The following PBX1 variants were observed in gnomAD, a reference collection of about 807,000 sequenced individuals.
PBX1 encodes the protein PBX homeobox 1, also known as pre-B-cell leukemia transcription factor 1.
Under a neutral mutation model 53.4 loss-of-function variants are expected in PBX1, and 6 were observed. The ratio of observed to expected loss-of-function variants is 0.11; its 90% CI spans 0.06 to 0.22. PBX1 has a LOEUF of 0.22. Ranked by LOEUF, PBX1 falls within the 10% of genes least tolerant of loss-of-function variation. The probability of loss-of-function intolerance (pLI) is 1.00; values close to 1 mark genes in which losing one functional copy is unlikely to be tolerated. For synonymous variants in PBX1, 204 were observed against 212.3 expected, an observed-to-expected ratio of 0.96 and a Z score of 0.34; for missense variants, 251 against 551.4, an observed-to-expected ratio of 0.46 and a Z score of 5.46.
At chr1:164,882,401 C>T (rs1672681412) in intron 2 of PBX1, among the ~76,000 whole-genome samples, 1 of 152,112 alleles carries the variant, frequency 6.6e-6, no homozygotes, top group Admixed American at 6.5e-5. Flanking sequence ...GATTCTTAAG[C>T]CATGGGATAA....
At chr1:164,862,860 AG>A (rs1400388932) in intron 2 of PBX1, among the ~76,000 whole-genome samples, 1 of 152,180 alleles carries the variant, frequency 6.6e-6, no homozygotes, top group Non-Finnish European at 1.5e-5. Context: ...AGATGATTAA[AG>A]GTAGTTGTGG....
chr1:164,666,460 A>G (rs1382142946), intron 2 of PBX1, among the ~76,000 whole-genome samples: 1 of 152,246 alleles, frequency 6.6e-6, no homozygotes, highest in Non-Finnish European at 1.5e-5. Context: ...TAGGGTGTTC[A>G]TTCTCAGATT....
chr1:164,881,501 G>A (rs76080388), intron 2 of PBX1, among the ~76,000 whole-genome samples: 61 of 149,926 alleles, frequency 4.1e-4, no homozygotes, highest in African/African-American at 1.0e-3. Flanking sequence ...TCTCCCCATC[G>A]TATAAATGCC....
intron 2 of PBX1, among the ~76,000 whole-genome samples, chr1:164,737,543 A>G (rs1347247764): frequency 6.6e-6 from 1 of 150,932 alleles, no homozygotes; most frequent in Non-Finnish European, 1.5e-5. Flanking sequence ...CAGTGGCATG[A>G]TCTCAGCTCA....
chr1:164,642,166 C>G (rs976198137), intron 2 of PBX1: 1 of 152,188 alleles, frequency 6.6e-6, no homozygotes, highest in Non-Finnish European at 1.5e-5. Context: ...CTGTGCATTT[C>G]CACATTTCCA....
chr1:164,651,672 G>A (rs1299100744), intron 2 of PBX1, among the ~76,000 whole-genome samples: 1 of 152,122 alleles, frequency 6.6e-6, no homozygotes, highest in Admixed American at 6.5e-5. Context: ...AAGAAAGGAG[G>A]GGAATGAGAC....
intron 2 of PBX1, among the ~76,000 whole-genome samples, chr1:164,621,487 C>T (rs370642010): frequency 2.0e-5 from 3 of 152,128 alleles, no homozygotes; most frequent in Admixed American, 1.3e-4. Context: ...GGATGGGATA[C>T]GGACTGGTTT....
chr1:164,589,244 G>A (rs1405167599), intron 2 of PBX1, among the ~76,000 whole-genome samples: 1 of 152,048 alleles, frequency 6.6e-6, no homozygotes, highest in Non-Finnish European at 1.5e-5. Context: ...GCTGAGAAAG[G>A]ATTTTTGTTT....
intron 2 of PBX1, among the ~76,000 whole-genome samples, chr1:164,734,538 A>G (rs1470035002): frequency 6.6e-6 from 1 of 152,144 alleles, no homozygotes; most frequent in Non-Finnish European, 1.5e-5. Context: ...CATATATGAA[A>G]TGGATATAAA....
At chr1:164,874,831 A>G (rs1182710054) in intron 2 of PBX1, among the ~76,000 whole-genome samples, 1 of 152,084 alleles carries the variant, frequency 6.6e-6, no homozygotes, top group African/African-American at 2.4e-5. Flanking sequence ...CACACTCACA[A>G]TCATCTTACT....
intron 2 of PBX1, among the ~76,000 whole-genome samples, chr1:164,666,893 G>A (rs144321909): frequency 6.6e-6 from 1 of 152,244 alleles, no homozygotes; most frequent in African/African-American, 2.4e-5. Context: ...ACCCTTTAAG[G>A]CAGGCAATGA....
At chr1:164,602,626 A>G (rs1452157115) in intron 2 of PBX1, among the ~76,000 whole-genome samples, 2 of 145,870 alleles carry the variant, frequency 1.4e-5, no homozygotes, top group Admixed American at 1.4e-4. Context: ...AATTCTGTCA[A>G]CCTCCCCACA....
chr1:164,663,220 G>GCCTTCCTGCCTTCCTT (rs1178634409), intron 2 of PBX1, among the ~76,000 whole-genome samples: 1 of 136,318 alleles, frequency 7.3e-6, no homozygotes, highest in Non-Finnish European at 1.6e-5. Flanking sequence ...CTGCCTTCCT[G>GCCTTCCTGCCTTCCTT]CCTTCCTGCC....
At chr1:164,711,992 TTGGTTTTTGTG>T (rs1468670482) in intron 2 of PBX1, among the ~76,000 whole-genome samples, 2 of 151,850 alleles carry the variant, frequency 1.3e-5, no homozygotes, top group Non-Finnish European at 2.9e-5. Flanking sequence ...TTGCTGGTTG[TTGGTTTTTGTG>T]TGCCCCCCCA....
At chr1:164,641,040 C>T (rs1659111248) in intron 2 of PBX1, 1 of 152,684 alleles carries the variant, frequency 6.5e-6, no homozygotes, top group South Asian at 2.1e-4. Flanking sequence ...GAGAGATCAT[C>T]TCTCAAAAAG....
intron 2 of PBX1, among the ~76,000 whole-genome samples, chr1:164,577,288 T>C (rs1654319359): frequency 6.6e-6 from 1 of 152,208 alleles, no homozygotes; most frequent in South Asian, 2.1e-4. Flanking sequence ...TCAGTCTGAT[T>C]TCTTTAACAC....
At chr1:164,568,327 G>C (rs1172367356) in intron 2 of PBX1, among the ~76,000 whole-genome samples, 1 of 100,864 alleles carries the variant, frequency 9.9e-6, no homozygotes, top group African/African-American at 4.9e-5. Context: ...TCTTTTTATT[G>C]CTTTTCCTTT....
At chr1:164,590,135 C>G (rs1655261817) in intron 2 of PBX1, among the ~76,000 whole-genome samples, 1 of 151,558 alleles carries the variant, frequency 6.6e-6, no homozygotes, top group Non-Finnish European at 1.5e-5. Context: ...ATTGCTGAGC[C>G]TGGGAGGTCA....
At chr1:164,575,607 A>G (rs2800792) in intron 2 of PBX1, among the ~76,000 whole-genome samples, 148,985 of 152,214 alleles carry the variant, frequency 0.98, 72,999 homozygotes, top group Middle Eastern at 1. Context: ...TTTGTCTTTT[A>G]TCCCTAACAA....
Sources: allele counts gnomAD v4.1 joint callset (sites outside exome capture counted in the v4.1 genomes callset), GRCh38; gene constraint gnomAD v4.1.1; transcripts MANE v1.5; gene names NCBI Gene and HGNC (gene_info 2026-07-23, HGNC 2026-07-21).